The following PRKG1 variants were observed in gnomAD, a reference collection of about 807,000 sequenced individuals.
PRKG1 encodes the protein cGMP-dependent protein kinase 1.
PRKG1 carries 35 observed loss-of-function variants against 88.1 expected under a neutral mutation model. The observed-to-expected ratio is 0.40, with a 90% CI of 0.30 to 0.53. PRKG1 has a LOEUF of 0.53. Among genes scored for constraint, PRKG1 ranks in the 20% least tolerant of loss-of-function variants. The probability of loss-of-function intolerance (pLI) is 0.59; values close to 1 mark genes in which losing one functional copy is unlikely to be tolerated. For missense variants in PRKG1, 540 were observed against 839.8 expected, an observed-to-expected ratio of 0.64 and a Z score of 4.41; for synonymous variants, 303 against 292.5, an observed-to-expected ratio of 1.04 and a Z score of -0.37.
intron 8 of PRKG1, among the ~76,000 whole-genome samples, chr10:52,140,679 A>T (rs950916677): frequency 6.6e-6 from 1 of 152,126 alleles, no homozygotes; most frequent in Admixed American, 6.6e-5. Flanking sequence ...AATCCAGAAG[A>T]ATCTTTCAGA....
chr10:51,477,534 G>A (rs112283399), intron 3 of PRKG1, among the ~76,000 whole-genome samples: 8 of 151,692 alleles, frequency 5.3e-5, no homozygotes, highest in African/African-American at 1.9e-4. Context: ...TAATGTTCCT[G>A]GGCCTCAGTT....
At chr10:51,774,070 A>C (rs1838373766) in intron 3 of PRKG1, among the ~76,000 whole-genome samples, 1 of 152,072 alleles carries the variant, frequency 6.6e-6, no homozygotes, top group Non-Finnish European at 1.5e-5. Context: ...TCTTTCTAAA[A>C]ACCTTGTTGG....
At chr10:51,897,347 G>T (rs1034756657) in intron 4 of PRKG1, among the ~76,000 whole-genome samples, 3 of 152,100 alleles carry the variant, frequency 2.0e-5, no homozygotes. Flanking sequence ...ATGCAGAGAT[G>T]ATTTCTTATA....
intron 7 of PRKG1, among the ~76,000 whole-genome samples, chr10:52,129,791 T>A (rs1206997219): frequency 2.6e-5 from 4 of 152,292 alleles, no homozygotes; most frequent in Admixed American, 6.5e-5. Context: ...ATAACTCTAT[T>A]AGTGCTGGTT....
At chr10:51,016,793 C>T (rs35756803) in intron 1 of PRKG1, among the ~76,000 whole-genome samples, 46,561 of 148,666 alleles carry the variant, frequency 0.31, 7,406 homozygotes, top group East Asian at 0.48. Context: ...CTCAGCCTCC[C>T]GAGTAGCTGG....
chr10:51,370,332 A>G (rs939503395), intron 2 of PRKG1, among the ~76,000 whole-genome samples: 1 of 152,134 alleles, frequency 6.6e-6, no homozygotes, highest in African/African-American at 2.4e-5. Flanking sequence ...TATTTCTTGC[A>G]AAAGAGTTTG....
chr10:51,717,818 C>T lies in PRKG1; in HGVS notation c.593-86767C>T, dbSNP rs113272138. Among the ~76,000 whole-genome samples, 867 of 146,980 alleles carry T rather than the reference C, an allele frequency of 5.9e-3. 6 individuals are homozygous for T. The highest frequency in any genetic ancestry group is 0.021 in the African/African-American group (819 of 39,698). The stretch of plus-strand genomic sequence containing the variant: ...CTGCACTCCAGCCTGGGCGACAGAG[C>T]GAGACTCTGTCTCAAAAAAAAAAAA... On this transcript the variant is annotated intron_variant, in intron 3 of 17. Coordinates refer to ENST00000373980, the MANE Select transcript of PRKG1 (RefSeq NM_006258.4).
At chr10:51,866,570 G>T (rs1841020377) in intron 4 of PRKG1, among the ~76,000 whole-genome samples, 1 of 152,088 alleles carries the variant, frequency 6.6e-6, no homozygotes, top group African/African-American at 2.4e-5. Flanking sequence ...TCTAATTGAT[G>T]GTGAGATTTC....
At chr10:52,009,248 G>A (rs1471646697) in intron 5 of PRKG1, among the ~76,000 whole-genome samples, 1 of 152,138 alleles carries the variant, frequency 6.6e-6, no homozygotes, top group African/African-American at 2.4e-5. Flanking sequence ...ATTTACAGAT[G>A]ATGTGATTCT....
At chr10:51,652,467 G>C (rs559720003) in intron 3 of PRKG1, among the ~76,000 whole-genome samples, 1 of 152,168 alleles carries the variant, frequency 6.6e-6, no homozygotes, top group South Asian at 2.1e-4. Context: ...TAGAAAAAGA[G>C]GGAAAGAGTC....
chr10:52,004,781 T>C (rs1844687659), intron 5 of PRKG1, among the ~76,000 whole-genome samples: 1 of 152,080 alleles, frequency 6.6e-6, no homozygotes, highest in Non-Finnish European at 1.5e-5. Flanking sequence ...AATACAGTTT[T>C]AGAGGCGCAG....
At chr10:51,187,840 G>A (rs185690773) in intron 2 of PRKG1, among the ~76,000 whole-genome samples, 2 of 151,910 alleles carry the variant, frequency 1.3e-5, no homozygotes, top group Non-Finnish European at 2.9e-5. Context: ...ATGTGCTTCA[G>A]TTCCACTAGG....
At chr10:51,524,367 A>G (rs1841821685) in intron 3 of PRKG1, among the ~76,000 whole-genome samples, 1 of 152,224 alleles carries the variant, frequency 6.6e-6, no homozygotes, top group Admixed American at 6.5e-5. Context: ...AAAGGACCAA[A>G]TAGTAAAAAC....
intron 2 of PRKG1, among the ~76,000 whole-genome samples, chr10:51,221,876 C>CTTTTTTTTTTTTTTTTTTT (rs11405552): frequency 7.9e-6 from 1 of 127,182 alleles, no homozygotes. Context: ...TCTTTTCTTT[C>CTTTTTTTTTTTTTTTTTTT]TTTTTTTTTT....
At chr10:51,482,100 G>A (rs1840380663) in intron 3 of PRKG1, among the ~76,000 whole-genome samples, 1 of 152,070 alleles carries the variant, frequency 6.6e-6, no homozygotes, top group African/African-American at 2.4e-5. Context: ...GAATTGGAAT[G>A]ATTTCCCACC....
chr10:51,995,558 G>C (rs1430621774), intron 5 of PRKG1, among the ~76,000 whole-genome samples: 1 of 152,158 alleles, frequency 6.6e-6, no homozygotes, highest in Non-Finnish European at 1.5e-5. Context: ...TAAATTGTGT[G>C]TGTGTGTGTG....
chr10:51,091,114 C>G (rs1469471269), intron 1 of PRKG1, among the ~76,000 whole-genome samples: 1 of 152,022 alleles, frequency 6.6e-6, no homozygotes, highest in Admixed American at 6.6e-5. Flanking sequence ...AAATTCTTGA[C>G]AGTCATAATG....
chr10:52,109,622 C>G (rs921088170), intron 7 of PRKG1, among the ~76,000 whole-genome samples: 4 of 150,360 alleles, frequency 2.7e-5, no homozygotes, highest in African/African-American at 9.7e-5. Flanking sequence ...CAAAAATTAG[C>G]TGGGAGTGGT....
chr10:51,301,632 G>A (rs1840889907), intron 2 of PRKG1, among the ~76,000 whole-genome samples: 1 of 152,148 alleles, frequency 6.6e-6, no homozygotes, highest in African/African-American at 2.4e-5. Flanking sequence ...AATAGGTCAG[G>A]GTGCAGTCAG....
Sources: allele counts gnomAD v4.1 joint callset (sites outside exome capture counted in the v4.1 genomes callset), GRCh38; gene constraint gnomAD v4.1.1; transcripts MANE v1.5; gene names NCBI Gene and HGNC (gene_info 2026-07-23, HGNC 2026-07-21).